The following SORCS2 variants were observed in gnomAD, a reference collection of about 807,000 sequenced individuals.
The protein encoded by SORCS2 is VPS10 domain-containing receptor SorCS2.
A neutral mutation model predicts 141.6 loss-of-function variants in SORCS2; 100 were observed. That is an observed-to-expected ratio of 0.71 (90% confidence interval 0.60 to 0.83). SORCS2 has a LOEUF of 0.83. SORCS2 is among the 40% of genes least tolerant of loss of function. SORCS2 has a pLI of 0.00. For missense variants in SORCS2, 1,646 were observed against 1,560.2 expected (o/e 1.05, Z -0.93); for synonymous variants, 789 against 676.9 (o/e 1.17, Z -2.57).
chr4:7,255,038 T>A (rs1713759172), intron 1 of SORCS2, among the ~76,000 whole-genome samples: 1 of 151,972 alleles, frequency 6.6e-6, no homozygotes, highest in African/African-American at 2.4e-5. Context: ...AGCATGAGTG[T>A]GTGAGAGTGA....
rs1277874470 is a variant in SORCS2 at position 7,531,620 on chromosome 4, C to A, written c.639C>A (p.Asn213Lys). The A allele has an allele frequency of 2.5e-6, 4 of 1,613,664 alleles. No individual in the cohort carries two copies. Among genetic ancestry groups the A allele is most frequent in the Admixed American group, 3.3e-5 (2 of 60,014 alleles). ...VIDNFYICPTNKRKVILVSSS... is the reference protein window; with the variant it reads ...VIDNFYICPTKKRKVILVSSS... ...ACAATTTCTACATCTGCCCGACCAA[C>A]AAGAGGAAGGTAGGTGCTGGCTGGG... Residue 213 changes from asparagine (N) to lysine (K), a missense_variant, in exon 3 of 27, where the codon AAC (asparagine) becomes AAA (lysine). Coordinates refer to ENST00000507866, the MANE Select transcript of SORCS2 (RefSeq NM_020777.3).
intron 2 of SORCS2, among the ~76,000 whole-genome samples, chr4:7,494,286 G>A (rs1731482612): frequency 6.6e-6 from 1 of 152,192 alleles, no homozygotes; most frequent in Non-Finnish European, 1.5e-5. Context: ...CTGTTTCCCG[G>A]TGTTTTATAT....
intron 2 of SORCS2, among the ~76,000 whole-genome samples, chr4:7,480,651 C>T (rs1428748916): frequency 5.9e-5 from 9 of 152,230 alleles, no homozygotes; most frequent in Non-Finnish European, 1.5e-5. Flanking sequence ...GCAGGTGCCC[C>T]GGGTAGCCCA....
intron 2 of SORCS2, among the ~76,000 whole-genome samples, chr4:7,418,195 A>G (rs1487374432): frequency 1.3e-5 from 2 of 152,104 alleles, no homozygotes; most frequent in African/African-American, 4.8e-5. Flanking sequence ...CGGAGATTCA[A>G]TGTTGAATGA....
rs150462352 is a variant in SORCS2, at chr4:7,512,177, A to G, written c.549-19353A>G. Among the ~76,000 whole-genome samples the G allele has an allele frequency of 2.7e-3, 413 of 152,228 alleles. 2 individuals are homozygous for G. The highest frequency in any genetic ancestry group is 9.3e-3 in the African/African-American group (388 of 41,534). ...AGCAGTTCTCCAGGCGGTGTCGTTA[A>G]GGGAGAGCATCTGAGAGGCTCGCAC... On this transcript the variant is annotated intron_variant, in intron 2 of 26. Transcript: ENST00000507866.
chr4:7,612,893 T>TGGGAGGGGAACAAGAGGAAGGGTTGG (rs1718507322), intron 3 of SORCS2, among the ~76,000 whole-genome samples: 1 of 147,414 alleles, frequency 6.8e-6, no homozygotes. Flanking sequence ...TGGGAGGAGA[T>TGGGAGGGGAACAAGAGGAAGGGTTGG]GGGAGGGGAA....
At chr4:7,590,555 T>C (rs73216611) in intron 3 of SORCS2, among the ~76,000 whole-genome samples, 1,657 of 152,308 alleles carry the variant, frequency 0.011, 11 homozygotes, top group Middle Eastern at 0.024. Context: ...TCATGTGCTT[T>C]GTCAAATTTG....
intron 1 of SORCS2, among the ~76,000 whole-genome samples, chr4:7,204,689 C>T (rs914299194): frequency 3.9e-5 from 6 of 152,184 alleles, no homozygotes; most frequent in African/African-American, 1.4e-4. Flanking sequence ...AGAAGGGACA[C>T]GGTGGCAAGG....
chr4:7,275,435 A>G (rs1715440754), intron 1 of SORCS2, among the ~76,000 whole-genome samples: 4 of 152,076 alleles, frequency 2.6e-5, no homozygotes, highest in South Asian at 2.1e-4. Context: ...TGGACACTGG[A>G]TGGTGCCTGG....
intron 1 of SORCS2, among the ~76,000 whole-genome samples, chr4:7,395,161 G>A (rs893362884): frequency 5.3e-5 from 8 of 152,240 alleles, no homozygotes; most frequent in Admixed American, 2.0e-4. Flanking sequence ...TCCCATCTCG[G>A]GCAACAGCCC....
chr4:7,533,405 C>A (rs1711830604), intron 3 of SORCS2, among the ~76,000 whole-genome samples: 1 of 152,194 alleles, frequency 6.6e-6, no homozygotes, highest in Non-Finnish European at 1.5e-5. Flanking sequence ...CCCACACTGA[C>A]CCCAGATTCC....
intron 3 of SORCS2, among the ~76,000 whole-genome samples, chr4:7,634,164 A>G (rs1264503944): frequency 1.3e-5 from 2 of 151,868 alleles, no homozygotes; most frequent in Admixed American, 6.6e-5. Context: ...ACCTGAGGTC[A>G]GGAGTTTGAG....
At chr4:7,299,764 C>T (rs1018340829) in intron 1 of SORCS2, among the ~76,000 whole-genome samples, 3 of 152,194 alleles carry the variant, frequency 2.0e-5, no homozygotes, top group Admixed American at 6.5e-5. Context: ...CCGCTGCCTG[C>T]GGGGCGTTTC....
intron 3 of SORCS2, among the ~76,000 whole-genome samples, chr4:7,570,044 C>T (rs1715282770): frequency 6.6e-6 from 1 of 152,200 alleles, no homozygotes; most frequent in South Asian, 2.1e-4. Context: ...ATGCAATCCA[C>T]TGCAGCTGAG....
intron 3 of SORCS2, among the ~76,000 whole-genome samples, chr4:7,628,889 A>G (rs545664056): frequency 2.6e-5 from 4 of 152,204 alleles, no homozygotes; most frequent in African/African-American, 4.8e-5. Context: ...TTTTGCCACA[A>G]TAAGAAATAA....
At chr4:7,436,520 A>G (rs766312154) in intron 2 of SORCS2, among the ~76,000 whole-genome samples, 2 of 152,216 alleles carry the variant, frequency 1.3e-5, no homozygotes, top group Non-Finnish European at 2.9e-5. Context: ...GGTGCGACCC[A>G]GGAGGCCAGA....
At chr4:7,467,688 G>T (rs377660283) in intron 2 of SORCS2, among the ~76,000 whole-genome samples, 1 of 152,168 alleles carries the variant, frequency 6.6e-6, no homozygotes, top group African/African-American at 2.4e-5. Flanking sequence ...TCCAGTCCCA[G>T]CTCTGGCCTC....
intron 25 of SORCS2, among the ~76,000 whole-genome samples, chr4:7,736,520 A>G (rs972908783): frequency 1.3e-5 from 2 of 152,164 alleles, no homozygotes; most frequent in African/African-American, 4.8e-5. Context: ...GGTGTCGTGC[A>G]TGAAGGAGCC....
intron 2 of SORCS2, among the ~76,000 whole-genome samples, chr4:7,429,989 G>A (rs1159156071): frequency 1.3e-5 from 2 of 152,200 alleles, no homozygotes; most frequent in Non-Finnish European, 2.9e-5. Context: ...CCGGTGCACA[G>A]GGGCCACTGT....
Sources: allele counts gnomAD v4.1 joint callset (sites outside exome capture counted in the v4.1 genomes callset), GRCh38; gene constraint gnomAD v4.1.1; transcripts MANE v1.5; gene names NCBI Gene and HGNC (gene_info 2026-07-23, HGNC 2026-07-21).